Variants in ARHGAP32 observed in about 807,000 individuals in gnomAD.
The protein encoded by ARHGAP32 is Rho GTPase activating protein 32.
Under a neutral mutation model 186.5 loss-of-function variants are expected in ARHGAP32, and 51 were observed. That is an observed-to-expected ratio of 0.27 (90% CI 0.22 to 0.35). The LOEUF is 0.35. ARHGAP32 is among the 10% of genes least tolerant of loss of function. ARHGAP32 has a pLI of 1.00. For missense variants in ARHGAP32, 2,186 were observed against 2,623.5 expected (o/e 0.83, Z 3.64); for synonymous variants, 950 against 964.3 (o/e 0.99, Z 0.27).
intron 6 of ARHGAP32, among the ~76,000 whole-genome samples, chr11:129,083,044 G>T (rs1941266634): frequency 6.6e-6 from 1 of 152,162 alleles, no homozygotes; most frequent in Non-Finnish European, 1.5e-5. Flanking sequence ...AAACCACAGT[G>T]TGATACCTCC....
intron 1 of ARHGAP32, among the ~76,000 whole-genome samples, chr11:129,180,548 A>G (rs1203556782): frequency 6.6e-6 from 1 of 152,174 alleles, no homozygotes; most frequent in Non-Finnish European, 1.5e-5. Flanking sequence ...AGGTATAAAA[A>G]TTATATTTAT....
chr11:129,221,529 GTGTGTT>G (rs1189459234), intron 1 of ARHGAP32, among the ~76,000 whole-genome samples: 1,024 of 83,896 alleles, frequency 0.012, 17 homozygotes, highest in African/African-American at 0.027. Context: ...GTGTGTGTGT[GTGTGTT>G]TATGGTAAAA....
At chr11:129,049,084 C>G (rs944903444) in intron 10 of ARHGAP32, among the ~76,000 whole-genome samples, 2 of 151,862 alleles carry the variant, frequency 1.3e-5, no homozygotes, top group Admixed American at 6.6e-5. Context: ...ATAAAAGTGA[C>G]ACATTCTGAG....
chr11:129,246,884 A>C (rs1217593183), intron 1 of ARHGAP32, among the ~76,000 whole-genome samples: 1 of 152,190 alleles, frequency 6.6e-6, no homozygotes, highest in Non-Finnish European at 1.5e-5. Context: ...TGCTGTTAAA[A>C]TAGGTCTTTT....
At chr11:129,043,944 TCA>T (rs905235436) in intron 10 of ARHGAP32, among the ~76,000 whole-genome samples, 1 of 152,214 alleles carries the variant, frequency 6.6e-6, no homozygotes, top group Non-Finnish European at 1.5e-5. Flanking sequence ...TTAACTAGTC[TCA>T]GATTTTAAAA....
intron 1 of ARHGAP32, among the ~76,000 whole-genome samples, chr11:129,248,970 G>T (rs897129510): frequency 2.0e-5 from 3 of 152,102 alleles, no homozygotes; most frequent in Non-Finnish European, 4.4e-5. Flanking sequence ...TCTAAACGTG[G>T]TCACTTAGCA....
intron 12 of ARHGAP32, chr11:128,993,294 T>C (rs1369726348): frequency 6.6e-6 from 1 of 152,184 alleles, no homozygotes; most frequent in Non-Finnish European, 1.5e-5. Flanking sequence ...GTCACACTTA[T>C]CTCTGTATTG....
chr11:129,213,983 T>C (rs1944613490), intron 1 of ARHGAP32, among the ~76,000 whole-genome samples: 1 of 152,016 alleles, frequency 6.6e-6, no homozygotes, highest in South Asian at 2.1e-4. Context: ...TAAAAGAGAA[T>C]TGCAGACCCC....
At chr11:129,090,114 G>A (rs1373046968) in intron 6 of ARHGAP32, among the ~76,000 whole-genome samples, 1 of 152,172 alleles carries the variant, frequency 6.6e-6, no homozygotes, top group African/African-American at 2.4e-5. Flanking sequence ...GAAGCATTAT[G>A]AGGTTAAATA....
At chr11:129,222,375 C>T (rs930289875) in intron 1 of ARHGAP32, among the ~76,000 whole-genome samples, 1 of 152,116 alleles carries the variant, frequency 6.6e-6, no homozygotes, top group Non-Finnish European at 1.5e-5. Context: ...CCCAAGGACA[C>T]AACGCTACTA....
chr11:129,125,016 T>C (rs1942627620), intron 2 of ARHGAP32, 122 bp from the exon 3 acceptor site: 2 of 553,830 alleles, frequency 3.6e-6, no homozygotes, highest in Non-Finnish European at 6.0e-6. Flanking sequence ...TATCTTGGTT[T>C]AATAATCTTA....
At chr11:129,043,708 G>A (rs1007192909) in intron 10 of ARHGAP32, among the ~76,000 whole-genome samples, 4 of 152,082 alleles carry the variant, frequency 2.6e-5, no homozygotes, top group South Asian at 2.1e-4. Context: ...TTTCTTGAAG[G>A]AGAATTGCTT....
At chr11:128,993,145 A>T (rs1946106695) in intron 12 of ARHGAP32, 1 of 152,240 alleles carries the variant, frequency 6.6e-6, no homozygotes, top group African/African-American at 2.4e-5. Context: ...TAGAAAGTAT[A>T]ATAAGATAAT....
chr11:129,087,811 T>A (rs1290778941), intron 6 of ARHGAP32, among the ~76,000 whole-genome samples: 1 of 152,150 alleles, frequency 6.6e-6, no homozygotes, highest in East Asian at 1.9e-4. Flanking sequence ...ATGTCAATAG[T>A]GGGGGATGTT....
At chr11:129,195,516 G>A (rs547787975), upstream of ARHGAP32, among the ~76,000 whole-genome samples, 135 of 151,700 alleles carry the variant, frequency 8.9e-4, no homozygotes, top group Non-Finnish European at 1.8e-3. Flanking sequence ...TCAGCTTCCC[G>A]AGTAGCTGGG....
At chr11:129,021,443 A>T (rs893746742) in intron 11 of ARHGAP32, among the ~76,000 whole-genome samples, 2 of 152,060 alleles carry the variant, frequency 1.3e-5, no homozygotes, top group African/African-American at 4.8e-5. Context: ...CCAAAGCAAC[A>T]TCACTATGCT....
chr11:129,110,315 A>T (rs1012144653), intron 5 of ARHGAP32, among the ~76,000 whole-genome samples: 1 of 152,124 alleles, frequency 6.6e-6, no homozygotes, highest in African/African-American at 2.4e-5. Flanking sequence ...TTGTTTCTAT[A>T]CCAATACCAT....
intron 1 of ARHGAP32, among the ~76,000 whole-genome samples, chr11:129,198,459 A>T (rs1048843543): frequency 6.6e-6 from 1 of 152,152 alleles, no homozygotes; most frequent in African/African-American, 2.4e-5. Flanking sequence ...GAGACAACTG[A>T]ATCATGGGGG....
At chr11:129,039,156 G>T (rs1466356168) in intron 11 of ARHGAP32, among the ~76,000 whole-genome samples, 1 of 152,098 alleles carries the variant, frequency 6.6e-6, no homozygotes, top group East Asian at 1.9e-4. Context: ...CTGCAAAATG[G>T]TACAGTTACA....
Sources: allele counts gnomAD v4.1 joint callset (sites outside exome capture counted in the v4.1 genomes callset), GRCh38; gene constraint gnomAD v4.1.1; transcripts MANE v1.5; gene names NCBI Gene and HGNC (gene_info 2026-07-23, HGNC 2026-07-21).